The following GRID2 variants were observed in gnomAD, a reference collection of about 807,000 sequenced individuals.
GRID2 encodes glutamate ionotropic receptor delta type subunit 2, also known as glutamate receptor ionotropic, delta-2.
In GRID2, 33 loss-of-function variants were observed where a neutral mutation model predicts 114.8. That is an observed-to-expected ratio of 0.29 (90% CI 0.22 to 0.38). The LOEUF (loss-of-function observed/expected upper bound fraction) is 0.38. Among genes scored for constraint, GRID2 ranks in the 10% least tolerant of loss-of-function variants. The pLI, the probability that GRID2 is intolerant of heterozygous loss-of-function variation, is 1.00. For synonymous variants in GRID2, 505 were observed against 449.9 expected, an observed-to-expected ratio of 1.12 and a Z score of -1.55; for missense variants, 1,184 against 1,257.7, an observed-to-expected ratio of 0.94 and a Z score of 0.89.
At chr4:93,796,997 A>G (rs957841999) in intron 1 of GRID2, among the ~76,000 whole-genome samples, 5 of 152,250 alleles carry the variant, frequency 3.3e-5, no homozygotes, top group African/African-American at 1.2e-4. Flanking sequence ...CCAAACCTAG[A>G]TGGTATAGCC....
intron 4 of GRID2, among the ~76,000 whole-genome samples, chr4:93,138,021 G>GGA (rs1334808094): frequency 7.2e-6 from 1 of 139,160 alleles, no homozygotes; most frequent in Non-Finnish European, 1.5e-5. Flanking sequence ...CACCCGGGAT[G>GGA]GAGTGCAGTG....
rs1433118941 is a variant in GRID2, at chr4:93,593,893, T to C, written c.2194-32376T>C. On this transcript the variant is annotated intron_variant, in intron 13 of 15. Transcript: ENST00000282020. Reference sequence around the variant, plus strand: ...TCTTCACGTAGTTCTCGAGCCTTGGTTTTCAGGTCCATCAGCTCCTTTAAG... The same window carrying C: ...TCTTCACGTAGTTCTCGAGCCTTGGCTTTCAGGTCCATCAGCTCCTTTAAG... Among the ~76,000 whole-genome samples the C allele has an allele frequency of 5.9e-5, 9 of 152,128 alleles. No individual in the cohort carries two copies. The East Asian group carries it at 1.7e-3, about 29-fold the overall frequency.
chr4:93,253,454 A>T (rs1348533301), intron 8 of GRID2, among the ~76,000 whole-genome samples: 2 of 152,144 alleles, frequency 1.3e-5, no homozygotes, highest in East Asian at 3.8e-4. Context: ...ATTTATTGCT[A>T]CTTAGATTTT....
intron 14 of GRID2, among the ~76,000 whole-genome samples, chr4:93,684,869 G>A (rs976710827): frequency 1.3e-5 from 2 of 151,932 alleles, no homozygotes; most frequent in Non-Finnish European, 2.9e-5. Flanking sequence ...ACTAAAGTTT[G>A]GTCAAGCAAA....
At chr4:93,617,768 C>A (rs1741825606) in intron 13 of GRID2, among the ~76,000 whole-genome samples, 1 of 152,232 alleles carries the variant, frequency 6.6e-6, no homozygotes, top group African/African-American at 2.4e-5. Context: ...ATACAATGTG[C>A]TTAAGTAACA....
intron 8 of GRID2, among the ~76,000 whole-genome samples, chr4:93,328,759 TACTC>T (rs1477784781): frequency 6.6e-6 from 1 of 151,144 alleles, no homozygotes; most frequent in African/African-American, 2.4e-5. Context: ...AGACAAATGA[TACTC>T]AGGTGGAGCT....
chr4:93,407,082 C>T (rs1240688259), intron 9 of GRID2, among the ~76,000 whole-genome samples: 3 of 152,146 alleles, frequency 2.0e-5, no homozygotes, highest in Non-Finnish European at 4.4e-5. Flanking sequence ...CTGCAGTCTT[C>T]CATGGCAGCC....
Position 93,747,440 on chromosome 4 carries a change from T to C in GRID2, c.2361-21770T>C, listed in dbSNP as rs574447909. Reference sequence around the variant, plus strand: ...ATGCCAGTGTTCCCTCTGCACTGTATGCTTGTGGAGAGAAAGACCATCTCC... The same window carrying C: ...ATGCCAGTGTTCCCTCTGCACTGTACGCTTGTGGAGAGAAAGACCATCTCC... On this transcript the variant is annotated intron_variant, in intron 14 of 15. Coordinates refer to ENST00000282020, the MANE Select transcript of GRID2 (RefSeq NM_001510.4). Among the ~76,000 whole-genome samples the C allele has an allele frequency of 3.1e-4, 47 of 152,280 alleles. No individual in the cohort carries two copies. In the South Asian group the frequency reaches 9.7e-3, roughly 32 times the overall value.
At chr4:93,002,762 G>A (rs1414883227) in intron 2 of GRID2, among the ~76,000 whole-genome samples, 1 of 151,704 alleles carries the variant, frequency 6.6e-6, no homozygotes, top group Admixed American at 6.6e-5. Context: ...ATTACCACAG[G>A]CTCTGTGGCA....
chr4:92,304,530 C>G lies in GRID2; in HGVS notation c.-127C>G. 1.4e-6 allele frequency: 1 copy of G among 690,894 alleles called. No individual in the cohort carries two copies. The highest frequency in any genetic ancestry group is 2.5e-5 in the Admixed American group (1 of 39,422). 42.8% of individuals were successfully genotyped at this position (690,894 alleles called of 1,614,324 possible). A position where few individuals can be genotyped will look rare whatever the true frequency, so the allele number is the denominator to read the frequency against. On this transcript the variant is annotated 5_prime_UTR_variant, in exon 1 of 16. Transcript: ENST00000282020. ...GCGACGATAAAAGGCTTTGCTCTGGCAATAGGAATTTAGAAAAAAAGAAAA... is the reference window on the plus strand; with the variant it reads ...GCGACGATAAAAGGCTTTGCTCTGGGAATAGGAATTTAGAAAAAAAGAAAA...
intron 8 of GRID2, among the ~76,000 whole-genome samples, chr4:93,328,569 A>G (rs754397342): frequency 3.3e-5 from 5 of 152,188 alleles, no homozygotes; most frequent in Admixed American, 2.0e-4. Context: ...TAAAGCTATT[A>G]CATATTTGTT....
At chr4:93,332,267 CGTGTGTGTGT>C (rs1234388137) in intron 8 of GRID2, among the ~76,000 whole-genome samples, 21 of 133,936 alleles carry the variant, frequency 1.6e-4, no homozygotes, top group African/African-American at 6.1e-4. Context: ...TGTGTGTGTG[CGTGTGTGTGT>C]GTGTGTGTGT....
intron 13 of GRID2, among the ~76,000 whole-genome samples, chr4:93,560,237 A>AC: frequency 6.7e-6 from 1 of 149,900 alleles, no homozygotes; most frequent in Admixed American, 6.7e-5. Flanking sequence ...AAAAAAAAAA[A>AC]AAAAAAAAAA....
chr4:92,998,918 T>G (rs1755369743), intron 2 of GRID2, among the ~76,000 whole-genome samples: 1 of 151,924 alleles, frequency 6.6e-6, no homozygotes, highest in South Asian at 2.1e-4. Flanking sequence ...AGAATTTATT[T>G]TTTTGGACTC....
At chr4:92,981,045 A>G (rs1567550) in intron 2 of GRID2, among the ~76,000 whole-genome samples, 88,446 of 151,836 alleles carry the variant, frequency 0.58, 27,230 homozygotes, top group African/African-American at 0.77. Flanking sequence ...GAAATAAAAA[A>G]TATAATTCAT....
intron 4 of GRID2, among the ~76,000 whole-genome samples, chr4:93,194,916 A>G (rs1579254350): frequency 6.6e-6 from 1 of 152,196 alleles, no homozygotes; most frequent in African/African-American, 2.4e-5. Flanking sequence ...AACGTATGCT[A>G]AACTTGAGCA....
intron 2 of GRID2, among the ~76,000 whole-genome samples, chr4:93,049,797 C>T (rs979256502): frequency 2.2e-4 from 33 of 151,884 alleles, no homozygotes; most frequent in African/African-American, 7.5e-4. Context: ...TAATGCTACA[C>T]ATAACCAAAG....
intron 2 of GRID2, among the ~76,000 whole-genome samples, chr4:92,699,333 G>C (rs929216639): frequency 1.3e-5 from 2 of 152,132 alleles, no homozygotes; most frequent in African/African-American, 4.8e-5. Context: ...CATTTCCCTA[G>C]TGAGTGCAAA....
chr4:93,441,888 A>G (rs969975207), intron 10 of GRID2, among the ~76,000 whole-genome samples: 1 of 152,026 alleles, frequency 6.6e-6, no homozygotes, highest in Non-Finnish European at 1.5e-5. Context: ...AGACCTAACA[A>G]GGCTCAGCTG....
Sources: allele counts gnomAD v4.1 joint callset (sites outside exome capture counted in the v4.1 genomes callset), GRCh38; gene constraint gnomAD v4.1.1; transcripts MANE v1.5; gene names NCBI Gene and HGNC (gene_info 2026-07-23, HGNC 2026-07-21).